The following VSIG8 variants were observed in gnomAD, a reference collection of about 807,000 sequenced individuals.
The protein encoded by VSIG8 is V-set and immunoglobulin domain containing 8.
VSIG8 carries 32 observed loss-of-function variants against 42.6 expected under a neutral mutation model. That is an observed-to-expected ratio of 0.75 (90% confidence interval 0.57 to 1.01). The LOEUF is 1.01. VSIG8 is among the 50% of genes least tolerant of loss of function. VSIG8 has a pLI of 0.00. For synonymous variants in VSIG8, 290 were observed against 243.8 expected, an observed-to-expected ratio of 1.19 and a Z score of -1.77; for missense variants, 529 against 558.0, an observed-to-expected ratio of 0.95 and a Z score of 0.52.
chr1:159,855,376 C>T (rs1648781839), intron 6 of VSIG8: 2 of 1,437,512 alleles, frequency 1.4e-6, no homozygotes. Context: ...CTAATCCTGA[C>T]CTTGCTCGAG....
intron 4 of VSIG8, among the ~76,000 whole-genome samples, 170 bp downstream of exon 4, chr1:159,857,575 C>G (rs78310784): frequency 4.9e-5 from 6 of 121,232 alleles, no homozygotes; most frequent in African/African-American, 1.9e-4. Flanking sequence ...AACTCTGTCT[C>G]AAAAAAAAAA....
In VSIG8 at chr1:159,856,642, G is replaced by A; in HGVS notation, c.654C>T (p.Gly218=). ...QESFHSSINQ[G]LNNGDLVLKD... The stretch of plus-strand genomic sequence containing the variant: ...TCAACACCAGGTCCCCATTGTTCAG[G>A]CCTGAAAGTGAAGTGGAGAGAGGCC... The change falls in exon 5 of 7, where the codon GGC becomes GGT. Residue 218 remains glycine, a splice_region_variant and synonymous_variant. Coordinates refer to ENST00000368100, the MANE Select transcript of VSIG8 (RefSeq NM_001013661.1). The A allele has an allele frequency of 6.2e-7, 1 of 1,613,860 alleles. No homozygotes were observed. Among genetic ancestry groups the A allele is most frequent in the Non-Finnish European group, 8.5e-7 (1 of 1,179,870 alleles).
chr1:159,860,891 G>C (rs910399428), intron 1 of VSIG8: 2 of 152,342 alleles, frequency 1.3e-5, no homozygotes, highest in East Asian at 3.8e-4. Flanking sequence ...CAGGCTGCAA[G>C]AAAAGCACCT....
chr1:159,856,794 A>C, intron 4 of VSIG8, 151 bp from the exon 5 acceptor site: 3 of 866,666 alleles, frequency 3.5e-6, no homozygotes, highest in Admixed American at 3.4e-5. Flanking sequence ...CACACACTCC[A>C]CTCTCCAGGT....
At position 159,854,929 on chromosome 1, in the gene VSIG8, G is replaced by T. The variant is rs1013488424; in HGVS notation, c.1069C>A (p.Arg357Ser). 4 of 1,508,422 alleles carry T rather than the reference G, an allele frequency of 2.7e-6. No homozygotes were observed. Among genetic ancestry groups the T allele is most frequent in the Non-Finnish European group, 3.5e-6 (4 of 1,136,118 alleles). 93.4% of individuals were successfully genotyped at this position (1,508,422 alleles called of 1,614,324 possible). A position where few individuals can be genotyped will look rare whatever the true frequency, so the allele number is the denominator to read the frequency against. ...CAGGGGGGAGGCGCGTACTTGCGGC[G>T]CAGGGAGCGGCTGACGTTCTGCGTC... Reference protein sequence around the residue: ...YPTQNVSRSLRRKYAPPPCGG... With the variant: ...YPTQNVSRSLSRKYAPPPCGG... The change falls in exon 7 of 7, where the codon CGC becomes AGC. Residue 357 changes from arginine to serine, a missense_variant. Coordinates refer to ENST00000368100, the MANE Select transcript of VSIG8 (RefSeq NM_001013661.1).
intron 5 of VSIG8, 25 bp downstream of exon 5, chr1:159,856,499 C>A (rs1275855016): frequency 1.2e-6 from 2 of 1,612,246 alleles, no homozygotes; most frequent in South Asian, 1.1e-5. Flanking sequence ...CCCAACCACC[C>A]AGCCCTCAAG....
rs191695804 is a variant in VSIG8, at chr1:159,857,709, C to T, written c.652+36G>A. 6.6e-5 allele frequency: 104 copies of T among 1,584,312 alleles called. 1 individual carries two copies. The East Asian group carries it at 2.3e-3, about 36-fold the overall frequency. ...AGGTCCCAGAGTCCCTGATCTTCCA[C>T]TCACCCCCGACTGCCCTCATCCAGG... On this transcript the variant is annotated intron_variant, in intron 4 of 6. Coordinates refer to ENST00000368100, the MANE Select transcript of VSIG8 (RefSeq NM_001013661.1).
chr1:159,862,552 G>A lies in VSIG8; in HGVS notation c.-31C>T. ...TAGGCTCGGTGTTTCCTCCGTCTGG[G>A]CTGGGTATCCCGTGGGGTCGTAGTG... On this transcript the variant is annotated 5_prime_UTR_variant, in exon 1 of 7. Coordinates refer to ENST00000368100, the MANE Select transcript of VSIG8 (RefSeq NM_001013661.1). 1.9e-6 allele frequency: 3 copies of A among 1,609,034 alleles called. No homozygotes were observed. Among genetic ancestry groups the A allele is most frequent in the Non-Finnish European group, 2.5e-6 (3 of 1,176,862 alleles).
In VSIG8 at chr1:159,856,529, A is replaced by C. The variant is rs1648832660; in HGVS notation, c.767T>G (p.Val256Gly). 8.7e-6 allele frequency: 14 copies of C among 1,613,992 alleles called. No homozygotes were observed. Among genetic ancestry groups the C allele is most frequent in the Non-Finnish European group, 1.2e-5 (14 of 1,179,948 alleles). Residue 256 changes from valine (V) to glycine (G), a missense_variant, in exon 5 of 7, where the codon GTC becomes GGC. By Grantham distance (109) the Val-to-Gly change is moderately radical. Transcript: ENST00000368100. Reference sequence around the variant, plus strand: ...CTCAAGACTGCTGCACCTACCTGAGACCTTCACCTCCACCACACAAACACT... The same window carrying C: ...CTCAAGACTGCTGCACCTACCTGAGCCCTTCACCTCCACCACACAAACACT... ...GYSVCVVEVKVSDSRRIGVII... is the reference protein window; with the variant it reads ...GYSVCVVEVKGSDSRRIGVII...
intron 4 of VSIG8, 30 bp downstream of exon 4, chr1:159,857,715 C>G (rs1381349499): frequency 4.4e-6 from 7 of 1,596,296 alleles, no homozygotes; most frequent in Non-Finnish European, 6.0e-6. Context: ...TCCACTCACC[C>G]CCGACTGCCC....
At chr1:159,860,512 G>A (rs1648986126) in intron 1 of VSIG8, 1 of 152,252 alleles carries the variant, frequency 6.6e-6, no homozygotes, top group Non-Finnish European at 1.5e-5. Context: ...ACAGCTCAGG[G>A]ATCCCTGAAC....
intron 6 of VSIG8, 137 bp downstream of exon 6, chr1:159,855,746 C>G: frequency 1.4e-6 from 2 of 1,389,204 alleles, no homozygotes; most frequent in Non-Finnish European, 1.9e-6. Flanking sequence ...GTCGACATGC[C>G]GCAGTCCCAG....
chr1:159,855,452 T>C lies in VSIG8; in HGVS notation c.972-426A>G. 6.4e-6 allele frequency: 9 copies of C among 1,414,770 alleles called. No homozygotes were observed. The South Asian group carries it at 1.3e-4, about 20-fold the overall frequency. The allele number at this position is 1,414,770 out of a possible 1,614,324, so 87.6% of individuals were successfully genotyped here. On this transcript the variant is annotated intron_variant, in intron 6 of 6. Coordinates refer to ENST00000368100, the MANE Select transcript of VSIG8 (RefSeq NM_001013661.1). ...CATCTTTCCCTCCATCCCCGAGGCATTGCAATCATTAGCACTACTAGACTT... is the reference window on the plus strand; with the variant it reads ...CATCTTTCCCTCCATCCCCGAGGCACTGCAATCATTAGCACTACTAGACTT...
intron 1 of VSIG8, among the ~76,000 whole-genome samples, chr1:159,859,532 G>A (rs1355220500): frequency 6.6e-6 from 1 of 152,176 alleles, no homozygotes; most frequent in East Asian, 1.9e-4. Flanking sequence ...GTCTGTGGCT[G>A]TATGCCTCTG....
Position 159,857,840 on chromosome 1 carries a change from T to A in VSIG8, c.557A>T (p.His186Leu). ...AGACCCAGCTCGATAGGGGTAATGG[T>A]GCCCACTGATCTTGGCCCACTTGTA... The part of the protein sequence containing the change: ...LSYKWAKISG[H>L]HYPYRAGSYT... Residue 186 changes from histidine (H) to leucine (L), a missense_variant, in exon 4 of 7, where the codon CAC (histidine) becomes CTC (leucine). His to Leu is a moderately conservative substitution (Grantham distance 99). Coordinates refer to ENST00000368100, the MANE Select transcript of VSIG8 (RefSeq NM_001013661.1). The A allele has an allele frequency of 6.2e-7, 1 of 1,614,188 alleles. No individual in the cohort carries two copies. The highest frequency in any genetic ancestry group is 1.1e-5 in the South Asian group (1 of 91,088).
At chr1:159,858,485 T>TC (rs1648917349) in intron 2 of VSIG8, among the ~76,000 whole-genome samples, 194 bp from the exon 3 acceptor site, 1 of 152,230 alleles carries the variant, frequency 6.6e-6, no homozygotes, top group Non-Finnish European at 1.5e-5. Context: ...CTTGGAAAGA[T>TC]ATATGGTCAG....
rs1487838845 is a variant in VSIG8, at chr1:159,854,613, T to C, written c.*140A>G. On this transcript the variant is annotated 3_prime_UTR_variant, in exon 7 of 7. Coordinates refer to ENST00000368100, the MANE Select transcript of VSIG8 (RefSeq NM_001013661.1). ...GGCTCTGCCTCCCTACGCATTTCCT[T>C]AGGGAAATGCCTTCACCCCCAGCCG... 3.0e-6 allele frequency: 4 copies of C among 1,318,540 alleles called. No homozygotes were observed. The highest frequency in any genetic ancestry group is 2.9e-6 in the Non-Finnish European group (3 of 1,032,704). The allele number at this position is 1,318,540 out of a possible 1,614,324, so 81.7% of individuals were successfully genotyped here.
intron 1 of VSIG8, 44 bp from the exon 2 acceptor site, chr1:159,858,956 G>A (rs2501337): frequency 0.67 from 1,056,701 of 1,581,954 alleles, 355,452 homozygotes; most frequent in Admixed American, 0.79. Flanking sequence ...AGCAGAAGCA[G>A]GGCTTCAGGA....
Position 159,862,584 on chromosome 1 carries a change from G to A in VSIG8, c.-63C>T. 2.0e-6 allele frequency: 3 copies of A among 1,516,752 alleles called. No homozygotes were observed. The highest frequency in any genetic ancestry group is 1.4e-5 in the African/African-American group (1 of 72,868). The allele number at this position is 1,516,752 out of a possible 1,614,324, so 94.0% of individuals were successfully genotyped here. ...ATCCCGTGGGGTCGTAGTGGTGGGTGTGAGGGGGTAGGTGGAGGGAGGGGG... is the reference window on the plus strand; with the variant it reads ...ATCCCGTGGGGTCGTAGTGGTGGGTATGAGGGGGTAGGTGGAGGGAGGGGG... On this transcript the variant is annotated 5_prime_UTR_variant, in exon 1 of 7. Transcript: ENST00000368100.
Sources: allele counts gnomAD v4.1 joint callset (sites outside exome capture counted in the v4.1 genomes callset), GRCh38; gene constraint gnomAD v4.1.1; transcripts MANE v1.5; gene names NCBI Gene and HGNC (gene_info 2026-07-23, HGNC 2026-07-21).